The following CSMD1 variants were observed in gnomAD, a reference collection of about 807,000 sequenced individuals.
CSMD1 encodes CUB and Sushi multiple domains 1, also known as CUB and sushi domain-containing protein 1.
A neutral mutation model predicts 417.5 loss-of-function variants in CSMD1; 213 were observed. That is an observed-to-expected ratio of 0.51 (90% CI 0.46 to 0.57). CSMD1 has a LOEUF of 0.57. Among genes scored for constraint, CSMD1 ranks in the 20% least tolerant of loss-of-function variants. The pLI is 0.00. For missense variants in CSMD1, 6,923 were observed against 4,529.7 expected, an observed-to-expected ratio of 1.53 and a Z score of -15.17; for synonymous variants, 2,862 against 1,736.8, an observed-to-expected ratio of 1.65 and a Z score of -16.11.
intron 5 of CSMD1, among the ~76,000 whole-genome samples, chr8:3,795,197 T>G: frequency 9.1e-6 from 1 of 109,546 alleles, no homozygotes; most frequent in East Asian, 2.9e-4. Context: ...ACCTATCATG[T>G]ACAGATATAG....
intron 3 of CSMD1, among the ~76,000 whole-genome samples, chr8:4,203,319 C>A (rs141007062): frequency 0.012 from 1,840 of 152,184 alleles, 39 homozygotes; most frequent in African/African-American, 0.042. Context: ...GGGGTCGGCT[C>A]AGGGAGACCC....
At chr8:3,140,349 GTC>G (rs10666539) in intron 41 of CSMD1, among the ~76,000 whole-genome samples, 3 of 150,622 alleles carry the variant, frequency 2.0e-5, no homozygotes, top group Non-Finnish European at 4.4e-5. Flanking sequence ...CTCTCTCTCT[GTC>G]TCTCTCTCTC....
At chr8:4,047,818 A>G (rs1269846531) in intron 3 of CSMD1, among the ~76,000 whole-genome samples, 1 of 152,194 alleles carries the variant, frequency 6.6e-6, no homozygotes, top group Non-Finnish European at 1.5e-5. Context: ...AAACACCTCA[A>G]TAAGAAAGTG....
chr8:3,548,272 C>G (rs1045536610), intron 10 of CSMD1, among the ~76,000 whole-genome samples: 1 of 152,102 alleles, frequency 6.6e-6, no homozygotes, highest in Non-Finnish European at 1.5e-5. Context: ...TAGCCCTTGT[C>G]TATTTTAAAA....
chr8:4,885,606 C>G (rs1387524536), intron 1 of CSMD1, among the ~76,000 whole-genome samples: 3 of 151,832 alleles, frequency 2.0e-5, no homozygotes, highest in Admixed American at 6.6e-5. Flanking sequence ...TGTCCTTTAT[C>G]CTGTTGATAT....
At chr8:4,639,980 T>G (rs1253294453) in intron 1 of CSMD1, among the ~76,000 whole-genome samples, 2 of 152,188 alleles carry the variant, frequency 1.3e-5, no homozygotes, top group Non-Finnish European at 2.9e-5. Flanking sequence ...GCTTTACGAG[T>G]AATTCTTGCT....
chr8:4,961,759 G>T (rs1253967284), intron 1 of CSMD1, among the ~76,000 whole-genome samples: 2 of 151,876 alleles, frequency 1.3e-5, no homozygotes, highest in Non-Finnish European at 2.9e-5. Context: ...TTTCAATCTA[G>T]CAATTTCTGT....
chr8:3,148,109 A>C (rs751501306), intron 40 of CSMD1, among the ~76,000 whole-genome samples: 3 of 152,210 alleles, frequency 2.0e-5, no homozygotes, highest in Non-Finnish European at 4.4e-5. Context: ...ACCACAGGAA[A>C]TGTTCCAGAA....
At chr8:3,021,677 C>T (rs561983137) in intron 51 of CSMD1, among the ~76,000 whole-genome samples, 5 of 151,652 alleles carry the variant, frequency 3.3e-5, no homozygotes, top group Non-Finnish European at 7.4e-5. Flanking sequence ...AATCCCACAG[C>T]GTCCGGAATG....
chr8:4,925,392 G>T (rs147124674), intron 1 of CSMD1, among the ~76,000 whole-genome samples: 22 of 151,546 alleles, frequency 1.5e-4, no homozygotes, highest in African/African-American at 5.3e-4. Flanking sequence ...TAAATACATG[G>T]CATTTTGTAA....
At chr8:4,599,697 G>C (rs1052183974) in intron 2 of CSMD1, among the ~76,000 whole-genome samples, 1 of 152,146 alleles carries the variant, frequency 6.6e-6, no homozygotes, top group African/African-American at 2.4e-5. Context: ...GCATGGCCCA[G>C]GTGATAGCCA....
Position 4,715,007 on chromosome 8 carries a change from T to G in CSMD1, c.86-77449A>C, listed in dbSNP as rs1233581714. On this transcript the variant is annotated intron_variant, in intron 1 of 69. Transcript: ENST00000635120. ...TTTATGCTCACAGATGGCAATAATT[T>G]CATATCATTTTAACATTTCAAGCAT... Among the ~76,000 whole-genome samples, 4 of 152,198 alleles carry G rather than the reference T, an allele frequency of 2.6e-5. No individual in the cohort carries two copies. In the East Asian group the frequency reaches 7.7e-4, roughly 29 times the overall value.
intron 1 of CSMD1, among the ~76,000 whole-genome samples, chr8:4,776,475 A>C (rs913686944): frequency 5.3e-5 from 8 of 152,156 alleles, no homozygotes; most frequent in Admixed American, 2.0e-4. Flanking sequence ...AGAGAACAAG[A>C]AGCAGAGTTG....
At chr8:4,139,919 A>C (rs1013089578) in intron 3 of CSMD1, among the ~76,000 whole-genome samples, 1 of 150,968 alleles carries the variant, frequency 6.6e-6, no homozygotes, top group African/African-American at 2.5e-5. Flanking sequence ...TCATCTTCAG[A>C]GGATGGATAA....
chr8:3,211,436 A>G (rs76239842), intron 30 of CSMD1, among the ~76,000 whole-genome samples: 2,582 of 152,306 alleles, frequency 0.017, 83 homozygotes, highest in African/African-American at 0.058. Flanking sequence ...AATGCGTGGC[A>G]GAGATCGAGG....
chr8:3,346,095 A>G (rs1483438922), intron 22 of CSMD1, among the ~76,000 whole-genome samples: 4 of 152,212 alleles, frequency 2.6e-5, no homozygotes, highest in South Asian at 2.1e-4. Context: ...TACTATAAAC[A>G]TTTTTAACAG....
intron 4 of CSMD1, among the ~76,000 whole-genome samples, chr8:4,021,829 G>A (rs1009372401): frequency 6.6e-6 from 1 of 151,952 alleles, no homozygotes; most frequent in Non-Finnish European, 1.5e-5. Context: ...AAAGACCCGG[G>A]GCTCTAGTTG....
intron 1 of CSMD1, among the ~76,000 whole-genome samples, chr8:4,712,971 T>G (rs912466031): frequency 6.6e-6 from 1 of 152,160 alleles, no homozygotes; most frequent in African/African-American, 2.4e-5. Flanking sequence ...TAAAGGCAAA[T>G]CCACGGGAAT....
chr8:3,257,400 G>C (rs1217750973), intron 26 of CSMD1, among the ~76,000 whole-genome samples: 3 of 152,204 alleles, frequency 2.0e-5, no homozygotes, highest in African/African-American at 4.8e-5. Flanking sequence ...CAACAAATTA[G>C]GATCTCTTTC....
Sources: gnomAD v4.1 joint callset for allele counts (sites outside exome capture counted in the v4.1 genomes callset) on GRCh38, gnomAD v4.1.1 for gene constraint, MANE v1.5 for transcripts, NCBI Gene and HGNC (gene_info 2026-07-23, HGNC 2026-07-21) for gene names.